Variants in FSHR observed in about 807,000 individuals in gnomAD.
FSHR encodes follicle stimulating hormone receptor, also known as follicle-stimulating hormone receptor.
Under a neutral mutation model 52.1 loss-of-function variants are expected in FSHR, and 46 were observed. That is an observed-to-expected ratio of 0.88 (90% CI 0.70 to 1.13). The LOEUF (loss-of-function observed/expected upper bound fraction) is 1.13, where lower values mean the gene tolerates loss of function less well. Among genes scored for constraint, FSHR ranks in the 50% most tolerant of loss-of-function variants. The pLI, the probability that FSHR is intolerant of heterozygous loss-of-function variation, is 0.00. For synonymous variants in FSHR, 399 were observed against 309.6 expected (o/e 1.29, Z -3.03); for missense variants, 964 against 834.6 (o/e 1.16, Z -1.91).
At chr2:49,075,407 A>G (rs1249668690) in intron 1 of FSHR, among the ~76,000 whole-genome samples, 1 of 151,536 alleles carries the variant, frequency 6.6e-6, no homozygotes, top group Non-Finnish European at 1.5e-5. Context: ...GAAAGAATAA[A>G]GAGAAGAATA....
chr2:49,024,012 A>G (rs960105045), intron 2 of FSHR, among the ~76,000 whole-genome samples: 22 of 152,172 alleles, frequency 1.4e-4, no homozygotes, highest in African/African-American at 5.1e-4. Flanking sequence ...GGTCTGCTCC[A>G]GCATGAAATT....
rs905374877 is a variant in FSHR at position 49,133,080 on chromosome 2, G to T, written c.152+21186C>A. 5.3e-5 allele frequency among the ~76,000 whole-genome samples: 8 copies of T among 150,434 alleles called. No individual in the cohort carries two copies. In the Admixed American group the frequency reaches 5.3e-4, roughly 10 times the overall value. ...GGTGGAGACCCCACTCCAGACTGCT[G>T]CAGTAAAGAACACAGAGTTCCCTCT... On this transcript the variant is annotated intron_variant, in intron 1 of 9. Transcript: ENST00000406846.
chr2:49,127,879 TCTTCTTCTTCTTCTTC>T lies in FSHR; in HGVS notation c.152+26371_152+26386del, dbSNP rs1558457005. Among the ~76,000 whole-genome samples the T allele has an allele frequency of 2.1e-3, 104 of 49,018 alleles. 6 individuals carry two copies. Among genetic ancestry groups the T allele is most frequent in the Admixed American group, 0.012 (46 of 3,732 alleles). 32.2% of individuals were successfully genotyped at this position (49,018 alleles called of 152,430 possible). On this transcript the variant is annotated intron_variant, in intron 1 of 9. Transcript: ENST00000406846. ...TTCTTCTTCTTCTTCTTCTTCTTCT[TCTTCTTCTTCTTCTTC>T]TTCTTTTTTTTTTTTGAGACGGAGT...
chr2:49,009,108 T>A (rs566461596), intron 4 of FSHR, among the ~76,000 whole-genome samples: 3 of 152,008 alleles, frequency 2.0e-5, no homozygotes, highest in African/African-American at 7.2e-5. Context: ...TGCCCATGCC[T>A]ATGTCCTGAA....
At chr2:48,991,005 C>T (rs1675749179) in intron 4 of FSHR, among the ~76,000 whole-genome samples, 1 of 152,076 alleles carries the variant, frequency 6.6e-6, no homozygotes, top group Non-Finnish European at 1.5e-5. Context: ...TGGAAAACTC[C>T]TTTCTCCACT....
chr2:49,104,494 T>C (rs1671154775), intron 1 of FSHR, among the ~76,000 whole-genome samples: 1 of 152,130 alleles, frequency 6.6e-6, no homozygotes, highest in Non-Finnish European at 1.5e-5. Flanking sequence ...TTCTTTTAGA[T>C]AGAAAGAAAA....
At chr2:49,092,734 C>T (rs1043849348) in intron 1 of FSHR, among the ~76,000 whole-genome samples, 3 of 152,050 alleles carry the variant, frequency 2.0e-5, no homozygotes, top group Non-Finnish European at 4.4e-5. Flanking sequence ...TGGGTGATCT[C>T]GGCTCACTGC....
chr2:49,013,002 CCTGTTAGGATTA>C (rs1350949527), intron 4 of FSHR, among the ~76,000 whole-genome samples: 8 of 151,878 alleles, frequency 5.3e-5, no homozygotes, highest in African/African-American at 7.3e-5. Context: ...GGGCCCTAAA[CCTGTTAGGATTA>C]TTGCCATTAT....
At chr2:49,006,983 C>T (rs187371384) in intron 4 of FSHR, among the ~76,000 whole-genome samples, 39 of 152,230 alleles carry the variant, frequency 2.6e-4, no homozygotes, top group African/African-American at 6.3e-4. Context: ...GTTGGAGAGA[C>T]TAATAGCTAC....
chr2:49,111,098 T>C (rs996198472), intron 1 of FSHR, among the ~76,000 whole-genome samples: 8 of 152,210 alleles, frequency 5.3e-5, no homozygotes, highest in African/African-American at 1.9e-4. Flanking sequence ...CTTGTCTTTG[T>C]CTGGATTAGT....
intron 2 of FSHR, among the ~76,000 whole-genome samples, chr2:49,041,943 T>G (rs1193779763): frequency 1.3e-5 from 2 of 152,128 alleles, no homozygotes; most frequent in Admixed American, 6.5e-5. Context: ...GCCTAGGAGT[T>G]TGAGACCAGC....
At chr2:49,125,700 A>C (rs1177168644) in intron 1 of FSHR, among the ~76,000 whole-genome samples, 1 of 152,176 alleles carries the variant, frequency 6.6e-6, no homozygotes, top group Non-Finnish European at 1.5e-5. Context: ...GGAATCTAAA[A>C]TCCATCACTG....
intron 2 of FSHR, among the ~76,000 whole-genome samples, chr2:49,024,985 A>G (rs1294530948): frequency 2.0e-5 from 3 of 152,208 alleles, no homozygotes; most frequent in African/African-American, 7.2e-5. Flanking sequence ...GAGGACAGTG[A>G]CATTGCCCTT....
At chr2:49,011,885 T>C (rs1667288024) in intron 4 of FSHR, among the ~76,000 whole-genome samples, 1 of 151,990 alleles carries the variant, frequency 6.6e-6, no homozygotes, top group African/African-American at 2.4e-5. Context: ...TTAATACTCC[T>C]ACCAAATTAA....
rs373547026 is a variant in FSHR at position 48,974,455 on chromosome 2, G to GACGA, written c.669-5573_669-5572insTCGT. Among the ~76,000 whole-genome samples, 205 of 152,332 alleles carry GACGA rather than the reference G, an allele frequency of 1.3e-3. 1 individual carries two copies. The highest frequency in any genetic ancestry group is 4.7e-3 in the African/African-American group (197 of 41,576). ...TTGCACATGGTGGCTTTGATGCTGT[G>GACGA]AGACGAAGGCATCTTGTCAGTGCCC... On this transcript the variant is annotated intron_variant, in intron 8 of 9. Transcript: ENST00000406846.
intron 8 of FSHR, among the ~76,000 whole-genome samples, chr2:48,969,840 C>T (rs1444228892): frequency 6.6e-6 from 1 of 152,152 alleles, no homozygotes; most frequent in African/African-American, 2.4e-5. Flanking sequence ...TCTGGCAGCA[C>T]CACTGGTAGT....
At chr2:48,964,027 C>T in intron 9 of FSHR, 61 bp from the exon 10 acceptor site, 1 of 1,513,166 alleles carries the variant, frequency 6.6e-7, no homozygotes, top group Non-Finnish European at 9.1e-7. Flanking sequence ...AAATACATCA[C>T]TGTCTTTGTG....
chr2:49,089,662 C>A (rs911789980), intron 1 of FSHR, among the ~76,000 whole-genome samples: 2 of 152,192 alleles, frequency 1.3e-5, no homozygotes, highest in African/African-American at 2.4e-5. Flanking sequence ...GAAAGTATGT[C>A]TCCAATTTCT....
At chr2:49,065,775 A>G (rs940902921) in intron 2 of FSHR, among the ~76,000 whole-genome samples, 7 of 152,050 alleles carry the variant, frequency 4.6e-5, no homozygotes, top group African/African-American at 1.7e-4. Flanking sequence ...TGGCCAAAAA[A>G]TAGAACCCTA....
Sources: allele counts gnomAD v4.1 joint callset (sites outside exome capture counted in the v4.1 genomes callset), GRCh38; gene constraint gnomAD v4.1.1; transcripts MANE v1.5; gene names NCBI Gene and HGNC (gene_info 2026-07-23, HGNC 2026-07-21).